The following SOS1 variants were observed in gnomAD, a reference collection of about 807,000 sequenced individuals.
SOS1 encodes the protein SOS Ras/Rac guanine nucleotide exchange factor 1, also known as son of sevenless homolog 1.
A neutral mutation model predicts 157.6 loss-of-function variants in SOS1; 25 were observed. The observed-to-expected ratio is 0.16, with a 90% CI of 0.12 to 0.22. The LOEUF (loss-of-function observed/expected upper bound fraction) is 0.22. Among genes scored for constraint, SOS1 ranks in the 10% least tolerant of loss-of-function variants. SOS1 has a pLI of 1.00. For missense variants in SOS1, 1,237 were observed against 1,599.1 expected (o/e 0.77, Z 3.86); for synonymous variants, 528 against 534.0 (o/e 0.99, Z 0.16).
At chr2:39,040,040 C>G (rs1267741916) in intron 6 of SOS1, among the ~76,000 whole-genome samples, 1 of 151,974 alleles carries the variant, frequency 6.6e-6, no homozygotes, top group Non-Finnish European at 1.5e-5. Context: ...GAGATGGAGT[C>G]TTGCTCTGTC....
intron 6 of SOS1, among the ~76,000 whole-genome samples, chr2:39,040,766 C>T (rs1670542639): frequency 6.6e-6 from 1 of 152,094 alleles, no homozygotes; most frequent in Admixed American, 6.6e-5. Context: ...TGAGTTGTTC[C>T]CAGCTTTTGG....
intron 8 of SOS1, among the ~76,000 whole-genome samples, chr2:39,025,498 T>G (rs1020863087): frequency 4.6e-5 from 7 of 151,886 alleles, no homozygotes; most frequent in Admixed American, 4.6e-4. Context: ...TACGGGTGTC[T>G]GTCACCACAC....
intron 1 of SOS1, among the ~76,000 whole-genome samples, chr2:39,106,076 C>T (rs990460984): frequency 6.6e-6 from 1 of 151,692 alleles, no homozygotes; most frequent in Admixed American, 6.6e-5. Context: ...AAAAATTAGC[C>T]GCGCATGGTG....
chr2:39,122,737 G>C (rs142517116), upstream of SOS1, among the ~76,000 whole-genome samples: 1 of 152,032 alleles, frequency 6.6e-6, no homozygotes, highest in East Asian at 1.9e-4. Context: ...TTAGAGATGG[G>C]GTTTCACTGT....
rs2148140697 is a variant in SOS1 at position 39,067,759 on chromosome 2, A to C, written c.88-6T>G. 1 of 1,610,772 alleles carries C rather than the reference A, an allele frequency of 6.2e-7. No homozygotes were observed. On this transcript the variant is annotated splice_region_variant and splice_polypyrimidine_tract_variant and intron_variant, in intron 1 of 22. Coordinates refer to ENST00000402219, the MANE Select transcript of SOS1 (RefSeq NM_005633.4). ...GGATGAACTTGCCCCTGGACCTATA[A>C]ACAAAAAGCAAAGTAATTAAAATGT... is the stretch of plus-strand genomic sequence containing the variant.
intron 5 of SOS1, 69 bp from the exon 6 acceptor site, chr2:39,051,356 A>C: frequency 7.1e-7 from 1 of 1,415,794 alleles, no homozygotes. Context: ...TTTTGAGCCA[A>C]TAAGTCATTT....
At position 39,073,227 on chromosome 2, in the gene SOS1, G is replaced by C. The variant is rs116129964; in HGVS notation, c.88-5474C>G. ...TCAGAAGCCATGTACAGCTGATTCA[G>C]AGTTGCATGTGTGTTTATGAGCAAT... On this transcript the variant is annotated intron_variant, in intron 1 of 22. Coordinates refer to ENST00000402219, the MANE Select transcript of SOS1 (RefSeq NM_005633.4). Among the ~76,000 whole-genome samples, 562 of 152,322 alleles carry C rather than the reference G, an allele frequency of 3.7e-3. 5 individuals are homozygous for C. Among genetic ancestry groups the C allele is most frequent in the African/African-American group, 0.013 (531 of 41,570 alleles).
chr2:39,106,124 G>A (rs1673167782), intron 1 of SOS1, among the ~76,000 whole-genome samples: 1 of 151,864 alleles, frequency 6.6e-6, no homozygotes, highest in Non-Finnish European at 1.5e-5. Flanking sequence ...GGAGGCTGAT[G>A]TGGGAGGTTC....
At chr2:38,989,973 C>T (rs1417395956) in intron 20 of SOS1, among the ~76,000 whole-genome samples, 2 of 151,836 alleles carry the variant, frequency 1.3e-5, no homozygotes, top group African/African-American at 4.8e-5. Flanking sequence ...AACTGAAAAT[C>T]AAAAGCGAAA....
intron 1 of SOS1, among the ~76,000 whole-genome samples, chr2:39,119,845 T>C (rs926404744): frequency 2.6e-5 from 4 of 152,148 alleles, no homozygotes; most frequent in South Asian, 2.1e-4. Flanking sequence ...GAGGAGTGAA[T>C]ACTGACGGCG....
intron 1 of SOS1, among the ~76,000 whole-genome samples, chr2:39,105,986 G>C (rs543161305): frequency 1.8e-4 from 28 of 152,280 alleles, no homozygotes; most frequent in Non-Finnish European, 4.0e-4. Context: ...GGAGGCCCAG[G>C]CGGGTGAATC....
At chr2:39,116,097 G>A (rs1371410502) in intron 1 of SOS1, among the ~76,000 whole-genome samples, 1 of 152,182 alleles carries the variant, frequency 6.6e-6, no homozygotes, top group East Asian at 1.9e-4. Flanking sequence ...CTATATTTAT[G>A]GCTTTACTTA....
intron 1 of SOS1, among the ~76,000 whole-genome samples, chr2:39,092,678 TAAATG>T (rs1672637024): frequency 6.6e-6 from 1 of 152,184 alleles, no homozygotes; most frequent in South Asian, 2.1e-4. Flanking sequence ...GTTGAATGAA[TAAATG>T]AAATGATTAA....
intron 10 of SOS1, among the ~76,000 whole-genome samples, chr2:39,019,816 G>A (rs1669740810): frequency 6.6e-6 from 1 of 151,404 alleles, no homozygotes. Flanking sequence ...TATAGTCAGA[G>A]CTTACCTATA....
At chr2:39,101,289 G>A (rs1672957117) in intron 1 of SOS1, among the ~76,000 whole-genome samples, 1 of 152,064 alleles carries the variant, frequency 6.6e-6, no homozygotes, top group Non-Finnish European at 1.5e-5. Flanking sequence ...ATTCATGAGG[G>A]ACCTGCCCCA....
At chr2:39,091,895 A>T (rs186038957) in intron 1 of SOS1, among the ~76,000 whole-genome samples, 1 of 152,134 alleles carries the variant, frequency 6.6e-6, no homozygotes, top group East Asian at 1.9e-4. Context: ...GTTTACTCCA[A>T]TGGACACAAC....
At chr2:39,089,031 G>A (rs1487467661) in intron 1 of SOS1, among the ~76,000 whole-genome samples, 1 of 152,032 alleles carries the variant, frequency 6.6e-6, no homozygotes, top group Non-Finnish European at 1.5e-5. Flanking sequence ...GTATGAAGTG[G>A]TATCTCACTG....
chr2:39,007,422 AC>A, intron 15 of SOS1: 1 of 515,748 alleles, frequency 1.9e-6, no homozygotes, highest in Non-Finnish European at 3.5e-6. Context: ...TCATTTTCCT[AC>A]TATATTTGGT....
chr2:39,047,820 A>G (rs1371102638), intron 6 of SOS1, among the ~76,000 whole-genome samples: 1 of 34,480 alleles, frequency 2.9e-5, no homozygotes, highest in East Asian at 4.9e-4. Flanking sequence ...GGCATGCACC[A>G]CTATGCCCAC....
Sources: gnomAD v4.1 joint callset for allele counts (sites outside exome capture counted in the v4.1 genomes callset) on GRCh38, gnomAD v4.1.1 for gene constraint, MANE v1.5 for transcripts, NCBI Gene and HGNC (gene_info 2026-07-23, HGNC 2026-07-21) for gene names.